Variants in EPB41L4A observed in about 807,000 individuals in gnomAD.
EPB41L4A encodes the protein erythrocyte membrane protein band 4.1 like 4A, also known as band 4.1-like protein 4A.
In EPB41L4A, 100 loss-of-function variants were observed where a neutral mutation model predicts 108.6. That is an observed-to-expected ratio of 0.92 (90% CI 0.78 to 1.09). The LOEUF (loss-of-function observed/expected upper bound fraction) is 1.09, where lower values mean the gene tolerates loss of function less well. EPB41L4A is among the 50% of genes least tolerant of loss of function. The pLI, the probability that EPB41L4A is intolerant of heterozygous loss-of-function variation, is 0.00. For missense variants in EPB41L4A, 1,030 were observed against 842.7 expected, an observed-to-expected ratio of 1.22 and a Z score of -2.75; for synonymous variants, 319 against 289.0, an observed-to-expected ratio of 1.10 and a Z score of -1.05.
intron 1 of EPB41L4A, among the ~76,000 whole-genome samples, chr5:112,312,271 C>A (rs1369481461): frequency 6.6e-6 from 1 of 152,054 alleles, no homozygotes; most frequent in Non-Finnish European, 1.5e-5. Context: ...GAAAATTTTC[C>A]AAAATGATCA....
intron 1 of EPB41L4A, among the ~76,000 whole-genome samples, chr5:112,375,323 GCA>G (rs1554106194): frequency 7.0e-6 from 1 of 142,554 alleles, no homozygotes; most frequent in Non-Finnish European, 1.5e-5. Flanking sequence ...TCTCTCTCTC[GCA>G]CACACACACA....
At chr5:112,293,456 C>T (rs1580624484) in intron 2 of EPB41L4A, among the ~76,000 whole-genome samples, 1 of 152,146 alleles carries the variant, frequency 6.6e-6, no homozygotes, top group African/African-American at 2.4e-5. Flanking sequence ...TTCAGCCCTT[C>T]ACCTCCCTAA....
chr5:112,210,185 A>C, intron 12 of EPB41L4A: 2 of 407,104 alleles, frequency 4.9e-6, no homozygotes, highest in Non-Finnish European at 8.7e-6. Context: ...CAACATAACA[A>C]TGTCCTGGGA....
chr5:112,203,131 C>G (rs748202228), intron 15 of EPB41L4A, among the ~76,000 whole-genome samples: 3 of 152,090 alleles, frequency 2.0e-5, no homozygotes, highest in Non-Finnish European at 4.4e-5. Flanking sequence ...TTTTGGGAGG[C>G]TGAGGCAGAG....
chr5:112,266,146 A>G, intron 5 of EPB41L4A, 87 bp downstream of exon 5: 1 of 922,986 alleles, frequency 1.1e-6, no homozygotes, highest in Admixed American at 3.1e-5. Context: ...CATGGATAAG[A>G]AGAGTTTTAG....
chr5:112,415,924 C>T (rs1762690937), intron 1 of EPB41L4A, among the ~76,000 whole-genome samples: 1 of 151,388 alleles, frequency 6.6e-6, no homozygotes, highest in African/African-American at 2.4e-5. Context: ...AAGGCAAATA[C>T]CTCCGTAACA....
At position 112,419,268 on chromosome 5, in the gene EPB41L4A, C is replaced by G. The variant is rs1358604583; in HGVS notation, c.-229G>C. 3 of 389,416 alleles carry G rather than the reference C, an allele frequency of 7.7e-6. No individual in the cohort carries two copies. The highest frequency in any genetic ancestry group is 6.5e-5 in the African/African-American group (3 of 46,088). 24.1% of individuals were successfully genotyped at this position (389,416 alleles called of 1,614,324 possible). A position where few individuals can be genotyped will look rare whatever the true frequency, so the allele number is the denominator to read the frequency against. ...CGCCCGGGAGCCGCCGGGGAAGCGC[C>G]GGCGGAACTGGGCGCGGAGGGCGGT... On this transcript the variant is annotated 5_prime_UTR_variant, in exon 1 of 23. Coordinates refer to ENST00000261486, the MANE Select transcript of EPB41L4A (RefSeq NM_022140.5).
At chr5:112,277,316 G>A (rs926375594) in intron 3 of EPB41L4A, among the ~76,000 whole-genome samples, 1 of 152,134 alleles carries the variant, frequency 6.6e-6, no homozygotes, top group African/African-American at 2.4e-5. Context: ...CCAAGCCCAC[G>A]CATTTCAAAT....
At position 112,258,206 on chromosome 5, in the gene EPB41L4A, G is replaced by A. The variant is rs533711633; in HGVS notation, c.795+1023C>T. Among the ~76,000 whole-genome samples, 11 of 152,302 alleles carry A rather than the reference G, an allele frequency of 7.2e-5. No individual in the cohort carries two copies. The South Asian group carries it at 1.9e-3, about 26-fold the overall frequency. ...AACAAAGAGTAGCATCAGGTTTTCT[G>A]ATGTGGCAGCACACAGTGTCTCAGT... On this transcript the variant is annotated intron_variant, in intron 9 of 22. Coordinates refer to ENST00000261486, the MANE Select transcript of EPB41L4A (RefSeq NM_022140.5).
chr5:112,142,833 T>G (rs553128323), exon 14 of EPB41L4A: 1 of 152,242 alleles, frequency 6.6e-6, no homozygotes, highest in African/African-American at 2.4e-5. Flanking sequence ...TGCCTTTCTA[T>G]ATCCACTCTC....
At chr5:112,186,804 G>A (rs778956857) in intron 17 of EPB41L4A, among the ~76,000 whole-genome samples, 2 of 152,046 alleles carry the variant, frequency 1.3e-5, no homozygotes, top group African/African-American at 4.8e-5. Flanking sequence ...CTGCTGAACC[G>A]CTCCAAAAAA....
intron 1 of EPB41L4A, among the ~76,000 whole-genome samples, chr5:112,327,242 G>C (rs1756231799): frequency 6.6e-6 from 1 of 152,084 alleles, no homozygotes; most frequent in South Asian, 2.1e-4. Context: ...AAAAGGCTTT[G>C]TTAAAAAAAA....
At chr5:112,347,072 T>A (rs772910631) in intron 1 of EPB41L4A, among the ~76,000 whole-genome samples, 13 of 152,224 alleles carry the variant, frequency 8.5e-5, no homozygotes, top group Admixed American at 2.0e-4. Flanking sequence ...TGTGCTAAGA[T>A]CTACACAAAA....
At chr5:112,395,342 C>T (rs1761257448) in intron 1 of EPB41L4A, among the ~76,000 whole-genome samples, 1 of 152,166 alleles carries the variant, frequency 6.6e-6, no homozygotes, top group Non-Finnish European at 1.5e-5. Flanking sequence ...TTGCAATCTA[C>T]TCATCTGACA....
chr5:112,376,930 G>A (rs1464217344), intron 1 of EPB41L4A, among the ~76,000 whole-genome samples: 3 of 152,146 alleles, frequency 2.0e-5, no homozygotes, highest in African/African-American at 4.8e-5. Flanking sequence ...GTGGCTGGGT[G>A]CGGTGGCTCA....
At chr5:112,376,241 A>G (rs1487709009) in intron 1 of EPB41L4A, among the ~76,000 whole-genome samples, 4 of 152,248 alleles carry the variant, frequency 2.6e-5, no homozygotes, top group Non-Finnish European at 5.9e-5. Context: ...CACTTCACCA[A>G]AGAGGATACA....
rs1473987396 is a variant in EPB41L4A at position 112,296,986 on chromosome 5, T to TAC, written c.204+10398_204+10399dup. 2.0e-3 allele frequency among the ~76,000 whole-genome samples: 247 copies of TAC among 126,482 alleles called. 1 individual carries two copies. The highest frequency in any genetic ancestry group is 5.3e-3 in the African/African-American group (145 of 27,444). 83.0% of individuals were successfully genotyped at this position (126,482 alleles called of 152,430 possible). On this transcript the variant is annotated intron_variant, in intron 2 of 22. Transcript: ENST00000261486. ...GTATTCCATCACATACATATATACA[T>TAC]ACATACACACACACACACACACACA...
intron 1 of EPB41L4A, among the ~76,000 whole-genome samples, chr5:112,417,392 G>C (rs1475413059): frequency 6.6e-6 from 1 of 152,092 alleles, no homozygotes; most frequent in Non-Finnish European, 1.5e-5. Context: ...ACTTCAAAAA[G>C]ATTTCTTTAC....
chr5:112,150,773 CTT>C (rs1033426539), intron 12 of EPB41L4A, among the ~76,000 whole-genome samples: 4 of 152,170 alleles, frequency 2.6e-5, no homozygotes, highest in African/African-American at 9.7e-5. Context: ...TATATTCACT[CTT>C]ATTATAGGAA....
Sources: gnomAD v4.1 joint callset for allele counts (sites outside exome capture counted in the v4.1 genomes callset) on GRCh38, gnomAD v4.1.1 for gene constraint, MANE v1.5 for transcripts, NCBI Gene and HGNC (gene_info 2026-07-23, HGNC 2026-07-21) for gene names.